The following NEDD4L variants were observed in gnomAD, a reference collection of about 807,000 sequenced individuals.
NEDD4L encodes E3 ubiquitin-protein ligase NEDD4-like.
A neutral mutation model predicts 148.9 loss-of-function variants in NEDD4L; 54 were observed. That is an observed-to-expected ratio of 0.36 (90% CI 0.29 to 0.45). The LOEUF (loss-of-function observed/expected upper bound fraction) is 0.45, where lower values mean the gene tolerates loss of function less well. Among genes scored for constraint, NEDD4L ranks in the 20% least tolerant of loss-of-function variants. The pLI is 1.00. For synonymous variants in NEDD4L, 433 were observed against 440.7 expected (o/e 0.98, Z 0.22); for missense variants, 856 against 1,233.8 (o/e 0.69, Z 4.59).
chr18:58,055,009 C>A (rs948758025), intron 1 of NEDD4L: 2 of 152,130 alleles, frequency 1.3e-5, no homozygotes, highest in African/African-American at 4.8e-5. Flanking sequence ...GAAGAGTATA[C>A]TGCAGCTGTG....
At chr18:58,094,296 T>G (rs60490887) in intron 1 of NEDD4L, among the ~76,000 whole-genome samples, 24,873 of 151,900 alleles carry the variant, frequency 0.16, 2,232 homozygotes, top group Admixed American at 0.21. Flanking sequence ...ATGATCCTCT[T>G]GCCACAGCCT....
chr18:58,101,537 G>C (rs1008028975), intron 1 of NEDD4L, among the ~76,000 whole-genome samples: 1 of 152,084 alleles, frequency 6.6e-6, no homozygotes, highest in Non-Finnish European at 1.5e-5. Context: ...TCTCGGTTCC[G>C]TCCGTGTCGA....
chr18:58,295,990 C>T (rs1015098363), intron 5 of NEDD4L, among the ~76,000 whole-genome samples: 1 of 152,168 alleles, frequency 6.6e-6, no homozygotes, highest in Non-Finnish European at 1.5e-5. Flanking sequence ...AAGAAAGCTA[C>T]TCCTGGTCTG....
chr18:58,309,942 CT>C (rs1417233748), intron 5 of NEDD4L, among the ~76,000 whole-genome samples: 1 of 152,204 alleles, frequency 6.6e-6, no homozygotes, highest in Non-Finnish European at 1.5e-5. Context: ...TCTAGTTATG[CT>C]TTGGAGTTAA....
At chr18:58,319,477 A>T (rs1197697520) in intron 6 of NEDD4L, among the ~76,000 whole-genome samples, 2 of 152,210 alleles carry the variant, frequency 1.3e-5, no homozygotes, top group Non-Finnish European at 2.9e-5. Context: ...ACTCTCTTTC[A>T]AGATGAAAGT....
At chr18:58,339,138 T>A (rs1236410052) in intron 13 of NEDD4L, among the ~76,000 whole-genome samples, 1 of 125,654 alleles carries the variant, frequency 8.0e-6, no homozygotes, top group African/African-American at 3.1e-5. Context: ...TGGGGAGTTA[T>A]GGGAGGGAAG....
chr18:58,364,400 T>G (rs761881213), intron 20 of NEDD4L, 67 bp downstream of exon 20: 1 of 952,332 alleles, frequency 1.1e-6, no homozygotes, highest in Non-Finnish European at 1.6e-6. Context: ...GTCACTTCAG[T>G]GAGAACAACT....
chr18:58,189,689 T>G (rs2147155356), intron 2 of NEDD4L: 1 of 152,380 alleles, frequency 6.6e-6, no homozygotes, highest in South Asian at 2.1e-4. Context: ...TTTCTTCACA[T>G]GAACTCGTCT....
chr18:58,058,635 T>C (rs2082193013), intron 1 of NEDD4L, among the ~76,000 whole-genome samples: 1 of 152,238 alleles, frequency 6.6e-6, no homozygotes, highest in Admixed American at 6.5e-5. Context: ...CTTGTCACAC[T>C]GGAGAGACAG....
intron 2 of NEDD4L, among the ~76,000 whole-genome samples, chr18:58,180,959 T>G (rs1599430136): frequency 1.3e-5 from 2 of 152,336 alleles, no homozygotes; most frequent in South Asian, 4.1e-4. Context: ...TATTGTCAGG[T>G]GCATTTTTGT....
Position 58,076,351 on chromosome 18 carries a change from G to A in NEDD4L, c.48+31643G>A, listed in dbSNP as rs999981171. Among the ~76,000 whole-genome samples the A allele has an allele frequency of 2.6e-5, 4 of 152,208 alleles. No homozygotes were observed. The East Asian group carries it at 7.7e-4, about 29-fold the overall frequency. ...TCGTAATACATAATAGAACACCTTC[G>A]TTTCTAAAACTGGGTGCAGTAAAGC... On this transcript the variant is annotated intron_variant, in intron 1 of 30. Transcript: ENST00000400345.
intron 16 of NEDD4L, among the ~76,000 whole-genome samples, chr18:58,347,223 C>G (rs1264752187): frequency 8.6e-6 from 1 of 115,896 alleles, no homozygotes; most frequent in Admixed American, 8.3e-5. Flanking sequence ...CGCCCCCCCC[C>G]CCCCTTTAAA....
chr18:58,194,601 C>G lies in NEDD4L; in HGVS notation c.122+28740C>G, dbSNP rs187292217. 3.4e-3 allele frequency among the ~76,000 whole-genome samples: 516 copies of G among 152,122 alleles called. 1 individual carries two copies. Among genetic ancestry groups the G allele is most frequent in the African/African-American group, 0.012 (500 of 41,500 alleles). On this transcript the variant is annotated intron_variant, in intron 2 of 30. Transcript: ENST00000400345. Reference sequence around the variant, plus strand: ...CTGCCTTGGGCTGCAACTTGTTGTCCCTGGCAGGGTTTGGGCTGTGGGGTC... The same window carrying G: ...CTGCCTTGGGCTGCAACTTGTTGTCGCTGGCAGGGTTTGGGCTGTGGGGTC...
chr18:58,356,426 C>G (rs1038349306), intron 18 of NEDD4L, among the ~76,000 whole-genome samples: 1 of 152,090 alleles, frequency 6.6e-6, no homozygotes, highest in African/African-American at 2.4e-5. Context: ...CCCTAGTACA[C>G]ACACAGGAAT....
At chr18:58,082,269 G>A (rs1228034035) in intron 1 of NEDD4L, among the ~76,000 whole-genome samples, 16 of 147,472 alleles carry the variant, frequency 1.1e-4, no homozygotes, top group South Asian at 6.5e-4. Flanking sequence ...CACAACGCCC[G>A]GCTAATTTTT....
At chr18:58,317,390 C>T (rs762029272) in intron 6 of NEDD4L, among the ~76,000 whole-genome samples, 8 of 152,324 alleles carry the variant, frequency 5.3e-5, no homozygotes, top group Non-Finnish European at 8.8e-5. Flanking sequence ...ACTGAAGCTG[C>T]GATCCTCTCA....
intron 1 of NEDD4L, among the ~76,000 whole-genome samples, chr18:58,118,221 ATCAAGAGGC>A (rs1221840209): frequency 1.3e-5 from 2 of 152,384 alleles, no homozygotes; most frequent in East Asian, 3.9e-4. Flanking sequence ...ACACATGGTT[ATCAAGAGGC>A]ACATGCTCTT....
chr18:58,117,024 A>G (rs1030682878), intron 1 of NEDD4L, among the ~76,000 whole-genome samples: 1 of 152,260 alleles, frequency 6.6e-6, no homozygotes, highest in Non-Finnish European at 1.5e-5. Context: ...TTTCAGGAGT[A>G]AGAAAGCGGC....
At chr18:58,371,917 T>A (rs1192066982) in intron 23 of NEDD4L, 2 of 152,142 alleles carry the variant, frequency 1.3e-5, no homozygotes, top group Non-Finnish European at 2.9e-5. Context: ...ATTTTTACCC[T>A]CTTCACAGCC....
Sources: gnomAD v4.1 joint callset for allele counts (sites outside exome capture counted in the v4.1 genomes callset) on GRCh38, gnomAD v4.1.1 for gene constraint, MANE v1.5 for transcripts, NCBI Gene and HGNC (gene_info 2026-07-23, HGNC 2026-07-21) for gene names.